ENPP6: variants seen among roughly 807,000 people sequenced by gnomAD.
ENPP6 encodes the protein ectonucleotide pyrophosphatase/phosphodiesterase 6.
ENPP6 carries 32 observed loss-of-function variants against 42.0 expected under a neutral mutation model. The ratio of observed to expected loss-of-function variants is 0.76; its 90% CI spans 0.58 to 1.02. The LOEUF (loss-of-function observed/expected upper bound fraction) is 1.02. Ranked by LOEUF, ENPP6 falls within the 50% of genes least tolerant of loss-of-function variation. The pLI is 0.00. For missense variants in ENPP6, 552 were observed against 566.8 expected (o/e 0.97, Z 0.27); for synonymous variants, 213 against 216.0 (o/e 0.99, Z 0.12).
chr4:184,197,713 A>G (rs375075901), intron 1 of ENPP6, among the ~76,000 whole-genome samples: 1 of 152,242 alleles, frequency 6.6e-6, no homozygotes, highest in Non-Finnish European at 1.5e-5. Context: ...ATTTTGTTAC[A>G]TATTCCCAAG....
chr4:184,201,593 A>G (rs1406271300), intron 1 of ENPP6, among the ~76,000 whole-genome samples: 2 of 152,222 alleles, frequency 1.3e-5, no homozygotes, highest in African/African-American at 4.8e-5. Context: ...TGAATGCCAT[A>G]TAATCAGAAC....
chr4:184,105,966 T>C (rs1736083042), intron 6 of ENPP6, among the ~76,000 whole-genome samples: 1 of 152,188 alleles, frequency 6.6e-6, no homozygotes, highest in African/African-American at 2.4e-5. Flanking sequence ...ACCCTGAAGA[T>C]GATGGATCAT....
At position 184,124,184 on chromosome 4, in the gene ENPP6, G is replaced by A; in HGVS notation, c.510C>T (p.Val170=). The change falls in exon 3 of 8, where the codon GTC becomes GTT. Residue 170 remains valine (V), a synonymous_variant. Transcript: ENST00000296741. ...VPTDINFANA[V]SDALDSFKSG... ...ACTTGAAGGAGTCAAGAGCATCGCT[G>A]ACTGCATTGGCAAAATTGATATCCG... 2 of 1,613,914 alleles carry A rather than the reference G, an allele frequency of 1.2e-6. No individual in the cohort carries two copies. Among genetic ancestry groups the A allele is most frequent in the East Asian group, 2.2e-5 (1 of 44,872 alleles).
At chr4:184,121,262 G>A (rs537852171) in intron 3 of ENPP6, among the ~76,000 whole-genome samples, 108 of 152,334 alleles carry the variant, frequency 7.1e-4, no homozygotes, top group African/African-American at 2.1e-3. Flanking sequence ...TCAGTAATGC[G>A]TTATGAGCAC....
intron 1 of ENPP6, among the ~76,000 whole-genome samples, chr4:184,157,921 A>G (rs1035477967): frequency 6.6e-6 from 1 of 151,940 alleles, no homozygotes; most frequent in Non-Finnish European, 1.5e-5. Context: ...TGCCCAGCCA[A>G]GTTTCTCTTT....
Position 184,157,555 on chromosome 4 carries a change from CTCTT to C in ENPP6, c.242-3826_242-3823del, listed in dbSNP as rs768500446. On this transcript the variant is annotated intron_variant, in intron 1 of 7. Coordinates refer to ENST00000296741, the MANE Select transcript of ENPP6 (RefSeq NM_153343.4). ...TCTCTCTCTCCTTTCTTTCCTTTCTCTCTTTCTTTCCTTTCTTTCCTTTTTTTCC... is the reference window on the plus strand; with the variant it reads ...TCTCTCTCTCCTTTCTTTCCTTTCTCTCTTTCCTTTCTTTCCTTTTTTTCC... 1.3e-3 allele frequency among the ~76,000 whole-genome samples: 188 copies of C among 139,346 alleles called. 2 individuals are homozygous for C. The East Asian group carries it at 0.029, about 22-fold the overall frequency. The allele number at this position is 139,346 out of a possible 152,430, so 91.4% of individuals were successfully genotyped here. A position where few individuals can be genotyped will look rare whatever the true frequency, so the allele number is the denominator to read the frequency against.
At chr4:184,170,842 G>A (rs535680264) in intron 1 of ENPP6, among the ~76,000 whole-genome samples, 5 of 152,162 alleles carry the variant, frequency 3.3e-5, no homozygotes, top group Non-Finnish European at 5.9e-5. Flanking sequence ...CCACTGTCAA[G>A]GTTCCTATCA....
intron 2 of ENPP6, among the ~76,000 whole-genome samples, chr4:184,130,912 A>G (rs930329687): frequency 6.6e-6 from 1 of 152,222 alleles, no homozygotes; most frequent in South Asian, 2.1e-4. Flanking sequence ...CTATTTATCT[A>G]TCCTAAAGTT....
intron 2 of ENPP6, among the ~76,000 whole-genome samples, chr4:184,149,960 G>A (rs528820052): frequency 1.1e-4 from 16 of 151,852 alleles, no homozygotes; most frequent in African/African-American, 2.7e-4. Context: ...TTTCCTCACC[G>A]CCCCCAACCC....
chr4:184,180,438 G>A (rs1488995473), intron 1 of ENPP6, among the ~76,000 whole-genome samples: 2 of 152,094 alleles, frequency 1.3e-5, no homozygotes, highest in Non-Finnish European at 2.9e-5. Flanking sequence ...GAACAAGGAG[G>A]AGCTGGTACC....
intron 1 of ENPP6, among the ~76,000 whole-genome samples, chr4:184,202,519 C>T (rs1882330): frequency 0.14 from 21,982 of 152,166 alleles, 2,353 homozygotes; most frequent in African/African-American, 0.29. Flanking sequence ...CTATTCTCTG[C>T]AACCCCCGAC....
chr4:184,150,687 G>T (rs1737009586), intron 2 of ENPP6, among the ~76,000 whole-genome samples: 1 of 152,238 alleles, frequency 6.6e-6, no homozygotes, highest in Non-Finnish European at 1.5e-5. Context: ...CTCTCTGAGA[G>T]TTTCATTTGA....
intron 1 of ENPP6, among the ~76,000 whole-genome samples, chr4:184,174,603 G>A (rs1737530851): frequency 9.8e-5 from 1 of 10,254 alleles, no homozygotes; most frequent in South Asian, 0.012. Context: ...CCGAGACTCA[G>A]ACAGGTGAAG....
At chr4:184,171,223 C>T (rs1337955284) in intron 1 of ENPP6, among the ~76,000 whole-genome samples, 2 of 152,154 alleles carry the variant, frequency 1.3e-5, no homozygotes, top group African/African-American at 4.8e-5. Flanking sequence ...TTGATGCTGG[C>T]TGCTGGCTGA....
chr4:184,175,906 G>A (rs1737553862), intron 1 of ENPP6, among the ~76,000 whole-genome samples: 1 of 152,090 alleles, frequency 6.6e-6, no homozygotes, highest in South Asian at 2.1e-4. Flanking sequence ...GGGAGAAGGA[G>A]GTTGGAGGAG....
chr4:184,136,119 G>A (rs1340024767), intron 2 of ENPP6, among the ~76,000 whole-genome samples: 1 of 151,334 alleles, frequency 6.6e-6, no homozygotes, highest in East Asian at 1.9e-4. Context: ...TTTGCTATTT[G>A]TATACTTTGA....
intron 1 of ENPP6, among the ~76,000 whole-genome samples, chr4:184,200,495 T>G (rs10004636): frequency 0.81 from 123,652 of 152,220 alleles, 51,018 homozygotes; most frequent in East Asian, 0.98. Context: ...GCACACCTAG[T>G]TGGCCAGAAC....
At chr4:184,200,671 C>G (rs1159577792) in intron 1 of ENPP6, among the ~76,000 whole-genome samples, 1 of 152,358 alleles carries the variant, frequency 6.6e-6, no homozygotes, top group Non-Finnish European at 1.5e-5. Flanking sequence ...TCCTCTGCCC[C>G]CTTTCCCTGC....
intron 1 of ENPP6, among the ~76,000 whole-genome samples, chr4:184,181,686 G>T (rs1214111511): frequency 1.3e-5 from 2 of 152,042 alleles, no homozygotes; most frequent in African/African-American, 2.4e-5. Flanking sequence ...GAACAGAATA[G>T]AAACCCAGAA....
Sources: allele counts gnomAD v4.1 joint callset (sites outside exome capture counted in the v4.1 genomes callset), GRCh38; gene constraint gnomAD v4.1.1; transcripts MANE v1.5; gene names NCBI Gene and HGNC (gene_info 2026-07-23, HGNC 2026-07-21).